The following ANAPC4 variants were observed in gnomAD, a reference collection of about 807,000 sequenced individuals.
ANAPC4 encodes the protein anaphase promoting complex subunit 4.
ANAPC4 carries 63 observed loss-of-function variants against 119.8 expected under a neutral mutation model. The ratio of observed to expected loss-of-function variants is 0.53; its 90% CI spans 0.43 to 0.65. ANAPC4 has a LOEUF of 0.65. Among genes scored for constraint, ANAPC4 ranks in the 30% least tolerant of loss-of-function variants. ANAPC4 has a pLI of 0.00. For synonymous variants in ANAPC4, 283 were observed against 318.6 expected, an observed-to-expected ratio of 0.89 and a Z score of 1.19; for missense variants, 716 against 945.1, an observed-to-expected ratio of 0.76 and a Z score of 3.18.
intron 14 of ANAPC4, 170 bp downstream of exon 14, chr4:25,395,075 A>G: frequency 1.8e-6 from 1 of 551,970 alleles, no homozygotes; most frequent in Non-Finnish European, 3.2e-6. Flanking sequence ...GAAAGAGTCA[A>G]TAATAATTCT....
At chr4:25,414,531 G>A in intron 24 of ANAPC4, 27 bp downstream of exon 24, 1 of 1,586,944 alleles carries the variant, frequency 6.3e-7, no homozygotes, top group Non-Finnish European at 8.6e-7. Context: ...TCCCTATCTT[G>A]AGTGAACAAT....
chr4:25,391,062 C>G (rs1722323388), intron 9 of ANAPC4, 47 bp downstream of exon 9: 3 of 1,392,034 alleles, frequency 2.2e-6, no homozygotes, highest in Non-Finnish European at 3.0e-6. Flanking sequence ...ATGTATTTAA[C>G]AGGTTTTATA....
At chr4:25,387,414 T>G (rs140550963) in intron 4 of ANAPC4, among the ~76,000 whole-genome samples, 4 of 152,328 alleles carry the variant, frequency 2.6e-5, no homozygotes, top group African/African-American at 7.2e-5. Flanking sequence ...ATGACAAGGG[T>G]TTGACCTGGG....
rs1224777266 is a variant in ANAPC4, at chr4:25,405,625, A to G, written c.1317+6A>G. 1 of 1,613,312 alleles carries G rather than the reference A, an allele frequency of 6.2e-7. No homozygotes were observed. The highest frequency in any genetic ancestry group is 1.7e-5 in the Admixed American group (1 of 59,992). The stretch of plus-strand genomic sequence containing the variant: ...TGCTTCCCGAGCTGAATAAGGTAGT[A>G]TGTACTAGTGCATTTTCACAGTGTT... On this transcript the variant is annotated splice_donor_region_variant and intron_variant, in intron 18 of 28. Transcript: ENST00000315368. The surrounding 1 kb of genome is among the most constrained non-coding windows in gnomAD (Gnocchi z 4.6).
rs754649265 is a variant in ANAPC4 at position 25,414,409 on chromosome 4, G to A, written c.1685+24G>A. The A allele has an allele frequency of 2.5e-6, 4 of 1,597,500 alleles. No homozygotes were observed. In the African/African-American group the frequency reaches 5.4e-5, roughly 22 times the overall value. ...AGGTAATTCTGTTTACCTATTGGAT[G>A]GTGTAATTCCGCAGCCAATTTAAAT... On this transcript the variant is annotated intron_variant, in intron 23 of 28. Coordinates refer to ENST00000315368, the MANE Select transcript of ANAPC4 (RefSeq NM_013367.3).
intron 25 of ANAPC4, 150 bp downstream of exon 25, chr4:25,414,850 G>C: frequency 1.4e-6 from 1 of 724,508 alleles, no homozygotes; most frequent in Non-Finnish European, 2.0e-6. Flanking sequence ...CATTAAAAGG[G>C]TAACACTGAA....
chr4:25,384,280 T>C lies in ANAPC4; in HGVS notation c.368+887T>C, dbSNP rs574148560. Among the ~76,000 whole-genome samples, 3 of 152,330 alleles carry C rather than the reference T, an allele frequency of 2.0e-5. No homozygotes were observed. The East Asian group carries it at 5.8e-4, about 29-fold the overall frequency. ...TTCTAATTCTAGTTCTCTTGCTATT[T>C]CCACCAGATCTGCAGTTACTTCCTC... On this transcript the variant is annotated intron_variant, in intron 4 of 28. Transcript: ENST00000315368.
At chr4:25,412,941 G>A (rs1723656260) in intron 21 of ANAPC4, 1 of 152,200 alleles carries the variant, frequency 6.6e-6, no homozygotes, top group South Asian at 2.1e-4. Flanking sequence ...CTTTATCTAA[G>A]GGAGGGCCTA....
chr4:25,401,636 G>A (rs1722983005), intron 16 of ANAPC4, among the ~76,000 whole-genome samples: 1 of 152,160 alleles, frequency 6.6e-6, no homozygotes, highest in Non-Finnish European at 1.5e-5. Flanking sequence ...CGTGGCACAG[G>A]GCCTACGCTC....
chr4:25,388,498 A>G lies in ANAPC4; in HGVS notation c.369-2A>G. On this transcript the variant is annotated splice_acceptor_variant, in intron 4 of 28. Transcript: ENST00000315368. LOFTEE classifies it high-confidence loss of function. ...ATAATGCTTTTATTTTTTCCTTTTT[A>G]GTGTTCTCACATCATTTTATAATGC... The G allele has an allele frequency of 6.4e-7, 1 of 1,569,612 alleles. No individual in the cohort carries two copies. Among genetic ancestry groups the G allele is most frequent in the African/African-American group, 1.4e-5 (1 of 73,658 alleles).
chr4:25,378,684 G>A (rs1008820780), intron 2 of ANAPC4, among the ~76,000 whole-genome samples: 3 of 152,174 alleles, frequency 2.0e-5, no homozygotes, highest in African/African-American at 4.8e-5. Context: ...AGTTTGAGGA[G>A]AAAGAAGAGG....
At chr4:25,409,147 A>G (rs1350430180) in intron 20 of ANAPC4, among the ~76,000 whole-genome samples, 1 of 152,178 alleles carries the variant, frequency 6.6e-6, no homozygotes, top group East Asian at 1.9e-4. Flanking sequence ...TGGATCCCCA[A>G]AAGCATCTTG....
At chr4:25,414,836 A>G (rs1305962108) in intron 25 of ANAPC4, 136 bp downstream of exon 25, 2 of 844,924 alleles carry the variant, frequency 2.4e-6, no homozygotes, top group South Asian at 6.2e-5. Context: ...GTTAGTTTTC[A>G]TGTCATTAAA....
chr4:25,413,750 T>C lies in ANAPC4; in HGVS notation c.1623+8T>C. 1 of 1,601,200 alleles carries C rather than the reference T, an allele frequency of 6.2e-7. No homozygotes were observed. ...TGTTTGCAAAAGCCAGCAGTAAGTT[T>C]GAAAGAAATGCATGTCTTTGTGTAG... On this transcript the variant is annotated splice_region_variant and intron_variant, in intron 22 of 28. Coordinates refer to ENST00000315368, the MANE Select transcript of ANAPC4 (RefSeq NM_013367.3).
chr4:25,385,447 TTC>T (rs1214231827), intron 4 of ANAPC4, among the ~76,000 whole-genome samples: 2 of 152,242 alleles, frequency 1.3e-5, no homozygotes, highest in Non-Finnish European at 2.9e-5. Context: ...TGTTGCGGCT[TTC>T]TCTCAGCACT....
At chr4:25,404,564 A>G (rs1402982286) in intron 17 of ANAPC4, among the ~76,000 whole-genome samples, 1 of 152,092 alleles carries the variant, frequency 6.6e-6, no homozygotes, top group Non-Finnish European at 1.5e-5. Flanking sequence ...AATCCTTACT[A>G]CATATTCTAA....
At chr4:25,391,043 A>G (rs910920843) in intron 9 of ANAPC4, 28 bp downstream of exon 9, 4 of 1,477,824 alleles carry the variant, frequency 2.7e-6, no homozygotes, top group Non-Finnish European at 2.8e-6. Context: ...ATAACGGTAG[A>G]GAGTAAATAT....
chr4:25,406,507 T>A (rs1220766123), intron 18 of ANAPC4, among the ~76,000 whole-genome samples: 1 of 152,158 alleles, frequency 6.6e-6, no homozygotes, highest in Non-Finnish European at 1.5e-5. Context: ...GGGGTCCAGT[T>A]CTCATTTCCA....
chr4:25,409,566 A>C, intron 20 of ANAPC4, 132 bp from the exon 21 acceptor site: 1 of 617,192 alleles, frequency 1.6e-6, no homozygotes, highest in African/African-American at 1.8e-5. Flanking sequence ...AAAAGTGTTA[A>C]AAATAAACCG....
Sources: gnomAD v4.1 joint callset for allele counts (sites outside exome capture counted in the v4.1 genomes callset) on GRCh38, gnomAD v4.1.1 for gene constraint, Gnocchi (gnomAD v3.1) non-coding constraint, MANE v1.5 for transcripts, NCBI Gene and HGNC (gene_info 2026-07-23, HGNC 2026-07-21) for gene names.